The following CTNND2 variants were observed in gnomAD, a reference collection of about 807,000 sequenced individuals.
CTNND2 encodes the protein catenin delta-2.
In CTNND2, 22 loss-of-function variants were observed where a neutral mutation model predicts 144.4. That is an observed-to-expected ratio of 0.15 (90% CI 0.11 to 0.22). The LOEUF is 0.22. Ranked by LOEUF, CTNND2 falls within the 10% of genes least tolerant of loss-of-function variation. The probability of loss-of-function intolerance (pLI) is 1.00; values close to 1 mark genes in which losing one functional copy is unlikely to be tolerated. For missense variants in CTNND2, 1,353 were observed against 1,618.8 expected (o/e 0.84, Z 2.82); for synonymous variants, 751 against 695.6 (o/e 1.08, Z -1.25).
At chr5:11,238,156 G>A (rs1288737959) in intron 9 of CTNND2, among the ~76,000 whole-genome samples, 1 of 152,100 alleles carries the variant, frequency 6.6e-6, no homozygotes, top group Non-Finnish European at 1.5e-5. Flanking sequence ...CACTCAACCA[G>A]TTAGACCATG....
intron 2 of CTNND2, among the ~76,000 whole-genome samples, chr5:11,698,385 T>G (rs997279516): frequency 3.3e-5 from 5 of 151,288 alleles, no homozygotes; most frequent in Non-Finnish European, 5.9e-5. Flanking sequence ...GCCTCCTGGG[T>G]TCAAAGGATT....
chr5:11,427,103 G>A (rs763879031), intron 3 of CTNND2, among the ~76,000 whole-genome samples: 8 of 152,100 alleles, frequency 5.3e-5, no homozygotes, highest in Non-Finnish European at 8.8e-5. Context: ...ACAATACACA[G>A]ATAAATAGTA....
At chr5:11,600,876 G>C (rs1030669656) in intron 2 of CTNND2, among the ~76,000 whole-genome samples, 8 of 151,948 alleles carry the variant, frequency 5.3e-5, no homozygotes, top group Non-Finnish European at 1.2e-4. Context: ...TGGGAAGAAG[G>C]TACCAGTAGA....
chr5:11,716,741 C>T (rs1419036787), intron 2 of CTNND2, among the ~76,000 whole-genome samples: 1 of 151,888 alleles, frequency 6.6e-6, no homozygotes, highest in Non-Finnish European at 1.5e-5. Context: ...GGCTGGAGTG[C>T]AGTGGCGCAA....
chr5:10,977,498 G>C (rs1288695041), intron 21 of CTNND2, among the ~76,000 whole-genome samples: 1 of 151,922 alleles, frequency 6.6e-6, no homozygotes, highest in Non-Finnish European at 1.5e-5. Flanking sequence ...TGTCACTCAG[G>C]CTGGAGTGCA....
intron 1 of CTNND2, among the ~76,000 whole-genome samples, chr5:11,900,521 C>T (rs553782870): frequency 1.2e-4 from 19 of 152,252 alleles, no homozygotes; most frequent in African/African-American, 3.9e-4. Flanking sequence ...GTGATAGAAA[C>T]TATTTATTGA....
chr5:11,495,856 C>T (rs1414236529), intron 3 of CTNND2, among the ~76,000 whole-genome samples: 3 of 152,158 alleles, frequency 2.0e-5, no homozygotes, highest in Admixed American at 6.5e-5. Flanking sequence ...AATTTCCCAG[C>T]TCCTCTCTGC....
At chr5:11,565,160 G>T in intron 2 of CTNND2, 104 bp from the exon 3 acceptor site, 1 of 782,322 alleles carries the variant, frequency 1.3e-6, no homozygotes, top group Non-Finnish European at 2.2e-6. Context: ...GATTTTCCAA[G>T]ATGTCAAATT....
intron 1 of CTNND2, among the ~76,000 whole-genome samples, chr5:11,741,254 A>T (rs1338929907): frequency 2.0e-5 from 3 of 152,102 alleles, no homozygotes; most frequent in Non-Finnish European, 4.4e-5. Flanking sequence ...TTCTACTATA[A>T]AGACACATGC....
At chr5:11,548,460 ATT>A (rs999126362) in intron 3 of CTNND2, among the ~76,000 whole-genome samples, 3 of 152,202 alleles carry the variant, frequency 2.0e-5, no homozygotes, top group East Asian at 1.9e-4. Context: ...AAAATATAAG[ATT>A]TGTTTCTGAA....
chr5:11,542,541 T>C (rs1774855795), intron 3 of CTNND2, among the ~76,000 whole-genome samples: 1 of 152,212 alleles, frequency 6.6e-6, no homozygotes, highest in African/African-American at 2.4e-5. Flanking sequence ...CATTTAAAAA[T>C]ATGTTCCCAT....
rs548770845 is a variant in CTNND2, at chr5:11,747,332, CAGAATAAAAG to C, written c.38-15070_38-15061del. Among the ~76,000 whole-genome samples, 432 of 152,250 alleles carry C rather than the reference CAGAATAAAAG, an allele frequency of 2.8e-3. 4 individuals carry two copies. The highest frequency in any genetic ancestry group is 9.9e-3 in the African/African-American group (412 of 41,558). On this transcript the variant is annotated intron_variant, in intron 1 of 21. Transcript: ENST00000304623. ...ACAGTACTTTAAAATTTGACTCTTCCAGAATAAAAGAGGAAGTTCTAACATATTTCATAAA... is the reference window on the plus strand; with the variant it reads ...ACAGTACTTTAAAATTTGACTCTTCCAGGAAGTTCTAACATATTTCATAAA...
At chr5:10,997,855 T>G (rs1279564835) in intron 18 of CTNND2, among the ~76,000 whole-genome samples, 1 of 152,184 alleles carries the variant, frequency 6.6e-6, no homozygotes, top group Non-Finnish European at 1.5e-5. Context: ...GGCTAAATAT[T>G]TATTATGTTC....
chr5:11,662,590 C>G (rs889780388), intron 2 of CTNND2, among the ~76,000 whole-genome samples: 1 of 152,080 alleles, frequency 6.6e-6, no homozygotes, highest in Admixed American at 6.6e-5. Context: ...TTTCCCAGCC[C>G]ACTGACTCAA....
chr5:11,285,412 C>T (rs1379359366), intron 9 of CTNND2, among the ~76,000 whole-genome samples: 1 of 152,100 alleles, frequency 6.6e-6, no homozygotes, highest in Admixed American at 6.6e-5. Flanking sequence ...TTTCACAAGC[C>T]CCAGTCTAAA....
intron 12 of CTNND2, among the ~76,000 whole-genome samples, chr5:11,123,845 T>C (rs1415691325): frequency 6.6e-6 from 1 of 152,238 alleles, no homozygotes; most frequent in Non-Finnish European, 1.5e-5. Context: ...GCCATGTGGC[T>C]GTCTGCCGTG....
intron 1 of CTNND2, among the ~76,000 whole-genome samples, chr5:11,779,230 C>T (rs577547310): frequency 9.1e-4 from 138 of 152,262 alleles, no homozygotes; most frequent in African/African-American, 3.0e-3. Flanking sequence ...AATTTTTTAA[C>T]CATATATTTT....
intron 1 of CTNND2, among the ~76,000 whole-genome samples, chr5:11,767,134 C>A (rs971886528): frequency 1.3e-5 from 2 of 152,192 alleles, no homozygotes; most frequent in Non-Finnish European, 2.9e-5. Flanking sequence ...TTTCCCTGGA[C>A]CTAATGAATC....
At chr5:11,632,346 G>C (rs1211994002) in intron 2 of CTNND2, among the ~76,000 whole-genome samples, 1 of 152,142 alleles carries the variant, frequency 6.6e-6, no homozygotes, top group African/African-American at 2.4e-5. Flanking sequence ...GCGGTGAGGA[G>C]GAGGACATTA....
Sources: gnomAD v4.1 joint callset for allele counts (sites outside exome capture counted in the v4.1 genomes callset) on GRCh38, gnomAD v4.1.1 for gene constraint, MANE v1.5 for transcripts, NCBI Gene and HGNC (gene_info 2026-07-23, HGNC 2026-07-21) for gene names.